The following RANBP2 variants were observed in gnomAD, a reference collection of about 807,000 sequenced individuals.
RANBP2 encodes RAN binding protein 2.
RANBP2 carries 57 observed loss-of-function variants against 303.6 expected under a neutral mutation model. The observed-to-expected ratio is 0.19, with a 90% CI of 0.15 to 0.23. The LOEUF is 0.23. RANBP2 is among the 10% of genes least tolerant of loss of function. The probability of loss-of-function intolerance (pLI) is 1.00; values close to 1 mark genes in which losing one functional copy is unlikely to be tolerated. For missense variants in RANBP2, 3,138 were observed against 3,780.8 expected (o/e 0.83, Z 4.46); for synonymous variants, 1,167 against 1,301.5 (o/e 0.90, Z 2.23).
the RANBP2 span, among the ~76,000 whole-genome samples, chr2:109,113,314 C>T: frequency 6.6e-6 from 1 of 151,946 alleles, no homozygotes; most frequent in Non-Finnish European, 1.5e-5. Flanking sequence ...TTTCATTGAG[C>T]AGTGGTTTGT....
the RANBP2 span, among the ~76,000 whole-genome samples, chr2:108,803,879 C>A: frequency 6.6e-6 from 1 of 151,988 alleles, no homozygotes; most frequent in East Asian, 1.9e-4. Flanking sequence ...TTTTTAGTAT[C>A]TTTTAGATAT....
the RANBP2 span, among the ~76,000 whole-genome samples, chr2:109,498,770 T>G: frequency 2.6e-5 from 4 of 152,154 alleles, no homozygotes; most frequent in Admixed American, 2.0e-4. Context: ...TGCAGACTGG[T>G]GCAGGAGGCA....
the RANBP2 span, among the ~76,000 whole-genome samples, chr2:109,182,178 T>C: frequency 6.6e-6 from 1 of 152,084 alleles, no homozygotes; most frequent in African/African-American, 2.4e-5. Flanking sequence ...TTATAAACAA[T>C]AGAAGTGTAT....
chr2:109,218,336 C>T, the RANBP2 span, among the ~76,000 whole-genome samples: 1 of 152,180 alleles, frequency 6.6e-6, no homozygotes, highest in Non-Finnish European at 1.5e-5. Flanking sequence ...TCTTCTACTT[C>T]ACCAGAATTG....
At chr2:109,170,157 A>G in the RANBP2 span, among the ~76,000 whole-genome samples, 278 of 152,070 alleles carry the variant, frequency 1.8e-3, no homozygotes, top group African/African-American at 5.8e-3. Context: ...TACCCCTAAT[A>G]CCATCGTCGG....
At chr2:109,129,851 G>A in the RANBP2 span, 2 of 1,529,060 alleles carry the variant, frequency 1.3e-6, no homozygotes, top group Non-Finnish European at 1.8e-6. Flanking sequence ...GTGGGCTGCG[G>A]CGTGGACGAA....
At chr2:109,714,476 A>G in the RANBP2 span, among the ~76,000 whole-genome samples, 1 of 150,296 alleles carries the variant, frequency 6.7e-6, no homozygotes, top group Non-Finnish European at 1.5e-5. Context: ...TAATTTTTGT[A>G]TTTTTAGTAG....
chr2:109,503,340 CTT>C, the RANBP2 span: 1 of 152,132 alleles, frequency 6.6e-6, no homozygotes, highest in African/African-American at 2.4e-5. Flanking sequence ...GGCATGAAGA[CTT>C]TGAAACACGG....
At chr2:109,611,095 C>T in the RANBP2 span, among the ~76,000 whole-genome samples, 1 of 152,154 alleles carries the variant, frequency 6.6e-6, no homozygotes, top group African/African-American at 2.4e-5. Flanking sequence ...GGAAAGGGAG[C>T]CTATTCAACA....
At chr2:109,378,524 G>A in the RANBP2 span, among the ~76,000 whole-genome samples, 15 of 152,264 alleles carry the variant, frequency 9.9e-5, no homozygotes, top group African/African-American at 3.6e-4. Context: ...TTGCATGCCT[G>A]GTAATTTTCA....
chr2:108,755,799 C>T (rs1676266236), intron 17 of RANBP2, among the ~76,000 whole-genome samples: 1 of 151,804 alleles, frequency 6.6e-6, no homozygotes, highest in Admixed American at 6.6e-5. Context: ...TCTTGGCTCA[C>T]TGCAACCTCC....
chr2:109,067,900 C>A, the RANBP2 span, among the ~76,000 whole-genome samples: 2 of 152,216 alleles, frequency 1.3e-5, no homozygotes, highest in African/African-American at 4.8e-5. Flanking sequence ...CAATCCCAGC[C>A]CCTTCCTCCC....
the RANBP2 span, among the ~76,000 whole-genome samples, chr2:109,736,588 GCA>G: frequency 6.6e-6 from 1 of 152,164 alleles, no homozygotes; most frequent in African/African-American, 2.4e-5. Flanking sequence ...CGCCGAAGCA[GCA>G]CAGTTTCTCT....
chr2:109,455,030 C>A, the RANBP2 span, among the ~76,000 whole-genome samples: 1 of 152,168 alleles, frequency 6.6e-6, no homozygotes, highest in African/African-American at 2.4e-5. Flanking sequence ...ATATTAAACT[C>A]TCCATTTTCC....
chr2:109,619,178 C>G, the RANBP2 span, among the ~76,000 whole-genome samples: 9 of 152,298 alleles, frequency 5.9e-5, no homozygotes, highest in South Asian at 1.9e-3. Flanking sequence ...CAGGGTCACA[C>G]AGTAAAAAGC....
At chr2:109,414,191 C>T in the RANBP2 span, among the ~76,000 whole-genome samples, 3 of 152,198 alleles carry the variant, frequency 2.0e-5, no homozygotes, top group Non-Finnish European at 4.4e-5. Context: ...GGCCACTGCA[C>T]CGTCTACCCT....
At chr2:109,311,880 C>T in the RANBP2 span, among the ~76,000 whole-genome samples, 1 of 152,052 alleles carries the variant, frequency 6.6e-6, no homozygotes, top group Non-Finnish European at 1.5e-5. Context: ...GTTGTTTTCT[C>T]GTTTTCTTAC....
At chr2:109,639,512 G>T in the RANBP2 span, among the ~76,000 whole-genome samples, 1 of 151,824 alleles carries the variant, frequency 6.6e-6, no homozygotes, top group Non-Finnish European at 1.5e-5. Flanking sequence ...CCAGCTACTC[G>T]GGAGGCTGAG....
the RANBP2 span, among the ~76,000 whole-genome samples, chr2:108,837,304 T>A: frequency 6.6e-6 from 1 of 152,254 alleles, no homozygotes; most frequent in Non-Finnish European, 1.5e-5. Context: ...GTGTGGGTTT[T>A]GTCCTTCATT....
Sources: allele counts gnomAD v4.1 joint callset (sites outside exome capture counted in the v4.1 genomes callset), GRCh38; gene constraint gnomAD v4.1.1; transcripts MANE v1.5; gene names NCBI Gene and HGNC (gene_info 2026-07-23, HGNC 2026-07-21).